Variants in HTR1F observed in about 807,000 individuals in gnomAD.
HTR1F encodes the protein 5-hydroxytryptamine receptor 1F, also known as 5-hydroxytryptamine (serotonin) receptor 1F, G protein-coupled.
HTR1F carries 17 observed loss-of-function variants against 24.0 expected under a neutral mutation model. That is an observed-to-expected ratio of 0.71 (90% CI 0.48 to 1.06). HTR1F has a LOEUF of 1.06. Ranked by LOEUF, HTR1F falls within the 50% of genes least tolerant of loss-of-function variation. The pLI, the probability that HTR1F is intolerant of heterozygous loss-of-function variation, is 0.00. For synonymous variants in HTR1F, 186 were observed against 156.8 expected (o/e 1.19, Z -1.39); for missense variants, 391 against 427.8 (o/e 0.91, Z 0.76).
rs144467904 is a variant in HTR1F, at chr3:87,967,382, G to A, written c.-42-23326G>A. 5.5e-3 allele frequency among the ~76,000 whole-genome samples: 833 copies of A among 152,112 alleles called. 9 individuals carry two copies. The highest frequency in any genetic ancestry group is 0.019 in the African/African-American group (801 of 41,470). On this transcript the variant is annotated intron_variant, in intron 2 of 2. Coordinates refer to ENST00000319595, the MANE Select transcript of HTR1F (RefSeq NM_001322209.2). ...GGAGAATCACTTGAACCAAGGAGGC[G>A]GAGGTTACAATGAGCTGAGATTGTG...
At chr3:87,818,988 C>G (rs1704303249) in intron 1 of HTR1F, among the ~76,000 whole-genome samples, 1 of 152,114 alleles carries the variant, frequency 6.6e-6, no homozygotes, top group Admixed American at 6.6e-5. Flanking sequence ...TCAGCTTTGG[C>G]CTAAAATTCC....
rs537976757 is a variant in HTR1F, at chr3:87,806,865, T to C, written c.-160+14023T>C. 5.3e-5 allele frequency among the ~76,000 whole-genome samples: 8 copies of C among 152,056 alleles called. No homozygotes were observed. In the East Asian group the frequency reaches 9.7e-4, roughly 18 times the overall value. On this transcript the variant is annotated intron_variant, in intron 1 of 2. Coordinates refer to ENST00000319595, the MANE Select transcript of HTR1F (RefSeq NM_001322209.2). ...AGTTTCATTTTCTGTATACATTCGG[T>C]TTTCCTAGACCATTTATTGAAGAGA...
chr3:87,825,565 T>G (rs1381640320), intron 2 of HTR1F, among the ~76,000 whole-genome samples: 3 of 152,140 alleles, frequency 2.0e-5, no homozygotes, highest in Admixed American at 2.0e-4. Flanking sequence ...ATATATCCAA[T>G]TGGTCACTAT....
chr3:87,822,222 T>C (rs1443527198), intron 2 of HTR1F, among the ~76,000 whole-genome samples, 98 bp downstream of exon 2: 1 of 151,812 alleles, frequency 6.6e-6, no homozygotes, highest in Non-Finnish European at 1.5e-5. Flanking sequence ...AAATGGACAC[T>C]GGAGGGATGA....
intron 2 of HTR1F, among the ~76,000 whole-genome samples, chr3:87,911,721 C>T (rs2915289): frequency 0.089 from 13,533 of 152,070 alleles, 1,883 homozygotes; most frequent in African/African-American, 0.3. Flanking sequence ...ATCCACCACT[C>T]TCAAGTAGGT....
At chr3:87,797,949 C>G (rs1217623453) in intron 1 of HTR1F, among the ~76,000 whole-genome samples, 2 of 152,158 alleles carry the variant, frequency 1.3e-5, no homozygotes, top group African/African-American at 4.8e-5. Context: ...AGAGAGGGAA[C>G]TAGCAGGTTG....
At chr3:87,853,107 C>G (rs1042206940) in intron 2 of HTR1F, among the ~76,000 whole-genome samples, 3 of 150,238 alleles carry the variant, frequency 2.0e-5, no homozygotes, top group African/African-American at 2.5e-5. Context: ...CCGCTAGTTT[C>G]TTTGTTTGTT....
intron 2 of HTR1F, among the ~76,000 whole-genome samples, chr3:87,909,379 A>G (rs899131607): frequency 6.6e-6 from 1 of 152,032 alleles, no homozygotes; most frequent in Non-Finnish European, 1.5e-5. Context: ...ATCTTTCTTC[A>G]TGACCACATA....
chr3:87,982,165 C>T lies in HTR1F; in HGVS notation c.-42-8543C>T, dbSNP rs149042540. On this transcript the variant is annotated intron_variant, in intron 2 of 2. Coordinates refer to ENST00000319595, the MANE Select transcript of HTR1F (RefSeq NM_001322209.2). ...CTCAAATTCCTGACCTCAAGTGATC[C>T]ACCCACCTTGGCCTCCCAAAATACT... Among the ~76,000 whole-genome samples, 1,071 of 152,278 alleles carry T rather than the reference C, an allele frequency of 7.0e-3. 13 individuals carry two copies. Among genetic ancestry groups the T allele is most frequent in the African/African-American group, 0.024 (985 of 41,540 alleles).
At chr3:87,887,760 C>G (rs1705985512) in intron 2 of HTR1F, among the ~76,000 whole-genome samples, 1 of 152,180 alleles carries the variant, frequency 6.6e-6, no homozygotes, top group Non-Finnish European at 1.5e-5. Context: ...CAAATCAAAA[C>G]CACAATGAGA....
intron 2 of HTR1F, among the ~76,000 whole-genome samples, chr3:87,936,640 A>G (rs1378347555): frequency 1.3e-5 from 2 of 152,220 alleles, no homozygotes; most frequent in Admixed American, 1.3e-4. Context: ...AAAATATAAA[A>G]TAAGAGCTAG....
chr3:87,947,501 A>G (rs191260025), intron 2 of HTR1F, among the ~76,000 whole-genome samples: 127 of 152,312 alleles, frequency 8.3e-4, no homozygotes, highest in Non-Finnish European at 1.2e-3. Flanking sequence ...AGTATTACAT[A>G]AAGTCATTAA....
At chr3:87,983,925 A>C (rs910912002) in intron 2 of HTR1F, among the ~76,000 whole-genome samples, 1 of 152,186 alleles carries the variant, frequency 6.6e-6, no homozygotes, top group African/African-American at 2.4e-5. Context: ...TGCCACCTGC[A>C]CACCTCACTC....
At chr3:87,835,504 C>A (rs1704666186) in intron 2 of HTR1F, among the ~76,000 whole-genome samples, 1 of 152,150 alleles carries the variant, frequency 6.6e-6, no homozygotes, top group Non-Finnish European at 1.5e-5. Flanking sequence ...TCTATCTGAA[C>A]CCCTATTTTC....
chr3:87,855,301 T>A (rs1705174310), intron 2 of HTR1F, among the ~76,000 whole-genome samples: 2 of 152,072 alleles, frequency 1.3e-5, no homozygotes, highest in Admixed American at 1.3e-4. Flanking sequence ...CATGAAGACC[T>A]GAGGAACTTT....
At chr3:87,886,532 G>A (rs1705948571) in intron 2 of HTR1F, among the ~76,000 whole-genome samples, 1 of 152,256 alleles carries the variant, frequency 6.6e-6, no homozygotes, top group East Asian at 1.9e-4. Flanking sequence ...ATTCAGTTAG[G>A]AAAAGAGGAA....
intron 1 of HTR1F, among the ~76,000 whole-genome samples, chr3:87,803,645 G>T (rs1704029406): frequency 1.3e-5 from 2 of 151,650 alleles, no homozygotes; most frequent in African/African-American, 4.9e-5. Context: ...TGTTACAGTA[G>T]GGAAGTGCTT....
intron 2 of HTR1F, among the ~76,000 whole-genome samples, chr3:87,967,998 C>T (rs1414875783): frequency 6.6e-6 from 1 of 152,182 alleles, no homozygotes; most frequent in East Asian, 1.9e-4. Flanking sequence ...TTCCTGTAGA[C>T]TTGTTGAATG....
At chr3:87,940,675 T>C (rs1704546553) in intron 2 of HTR1F, among the ~76,000 whole-genome samples, 1 of 152,098 alleles carries the variant, frequency 6.6e-6, no homozygotes, top group African/African-American at 2.4e-5. Flanking sequence ...GCCAAGACAC[T>C]CGTAAGCAAA....
Sources: gnomAD v4.1 joint callset for allele counts (sites outside exome capture counted in the v4.1 genomes callset) on GRCh38, gnomAD v4.1.1 for gene constraint, MANE v1.5 for transcripts, NCBI Gene and HGNC (gene_info 2026-07-23, HGNC 2026-07-21) for gene names.